The following PPP2R2C variants were observed in gnomAD, a reference collection of about 807,000 sequenced individuals.
PPP2R2C encodes the protein protein phosphatase 2, regulatory subunit B, gamma.
In PPP2R2C, 10 loss-of-function variants were observed where a neutral mutation model predicts 45.3. The observed-to-expected ratio is 0.22, with a 90% CI of 0.14 to 0.37. The LOEUF is 0.37. PPP2R2C is among the 10% of genes least tolerant of loss of function. The pLI, the probability that PPP2R2C is intolerant of heterozygous loss-of-function variation, is 1.00. For synonymous variants in PPP2R2C, 257 were observed against 245.4 expected, an observed-to-expected ratio of 1.05 and a Z score of -0.44; for missense variants, 308 against 619.7, an observed-to-expected ratio of 0.50 and a Z score of 5.34.
At chr4:6,381,629 C>T (rs1357524286) in intron 1 of PPP2R2C, 2 of 1,493,386 alleles carry the variant, frequency 1.3e-6, no homozygotes, top group African/African-American at 2.8e-5. Flanking sequence ...TGTGGCCCCA[C>T]CTCCAGGCAG....
At chr4:6,333,960 G>C (rs143430430) in intron 6 of PPP2R2C, among the ~76,000 whole-genome samples, 230 of 152,332 alleles carry the variant, frequency 1.5e-3, no homozygotes, top group African/African-American at 5.2e-3. Context: ...TGGAGGAGCA[G>C]CTGGCTAAAA....
intron 1 of PPP2R2C, chr4:6,383,297 C>A: frequency 7.9e-7 from 1 of 1,269,996 alleles, no homozygotes; most frequent in Admixed American, 2.4e-5. Flanking sequence ...CAGAGCAGGG[C>A]AAGCCCAGCC....
At chr4:6,334,205 A>G (rs891352344) in intron 6 of PPP2R2C, among the ~76,000 whole-genome samples, 1 of 152,078 alleles carries the variant, frequency 6.6e-6, no homozygotes, top group Admixed American at 6.5e-5. Flanking sequence ...ATCTCTGTTC[A>G]TGGTGTCCTG....
chr4:6,499,980 T>A (rs1247030994), intron 2 of PPP2R2C, among the ~76,000 whole-genome samples: 3 of 152,192 alleles, frequency 2.0e-5, no homozygotes, highest in African/African-American at 7.2e-5. Context: ...GAATTATTTG[T>A]TGATCCATGT....
intron 6 of PPP2R2C, among the ~76,000 whole-genome samples, chr4:6,335,299 T>C (rs1315896589): frequency 6.6e-6 from 1 of 151,932 alleles, no homozygotes; most frequent in Non-Finnish European, 1.5e-5. Context: ...GGGCTGGTAG[T>C]TTAGGTGAAC....
chr4:6,433,614 G>A (rs6446504), intron 1 of PPP2R2C, among the ~76,000 whole-genome samples: 149,117 of 152,276 alleles, frequency 0.98, 73,083 homozygotes, highest in Middle Eastern at 1. Context: ...TGGGCCAATA[G>A]GCATACGGGT....
intron 5 of PPP2R2C, among the ~76,000 whole-genome samples, chr4:6,356,697 T>A (rs982049107): frequency 6.6e-6 from 1 of 152,260 alleles, no homozygotes; most frequent in African/African-American, 2.4e-5. Context: ...GGTGAGCTGC[T>A]GAGAAGGTCT....
At chr4:6,498,716 C>T (rs1227879497) in intron 2 of PPP2R2C, among the ~76,000 whole-genome samples, 3 of 152,094 alleles carry the variant, frequency 2.0e-5, no homozygotes, top group Non-Finnish European at 2.9e-5. Context: ...GGCAAACCCA[C>T]CCACTGAGCC....
chr4:6,486,713 T>C (rs375512854), intron 2 of PPP2R2C, among the ~76,000 whole-genome samples: 12 of 152,208 alleles, frequency 7.9e-5, no homozygotes, highest in African/African-American at 2.4e-4. Flanking sequence ...ATCTTTTTCA[T>C]TGTTTTACTT....
upstream of PPP2R2C, among the ~76,000 whole-genome samples, chr4:6,475,544 G>A (rs1481464879): frequency 1.3e-5 from 2 of 152,174 alleles, no homozygotes; most frequent in Non-Finnish European, 2.9e-5. Flanking sequence ...AGAAACTTGT[G>A]TCAGACGGCA....
intron 1 of PPP2R2C, among the ~76,000 whole-genome samples, chr4:6,545,962 G>A (rs969525769): frequency 6.6e-6 from 1 of 152,108 alleles, no homozygotes; most frequent in Non-Finnish European, 1.5e-5. Flanking sequence ...TTCCCTGGGT[G>A]GGGGGTGGGG....
intron 1 of PPP2R2C, among the ~76,000 whole-genome samples, chr4:6,460,302 G>A (rs1392908097): frequency 6.6e-6 from 1 of 152,140 alleles, no homozygotes; most frequent in Non-Finnish European, 1.5e-5. Flanking sequence ...TCCCTCTAAG[G>A]ACACAGACAC....
intron 1 of PPP2R2C, among the ~76,000 whole-genome samples, chr4:6,467,313 T>C (rs536745357): frequency 2.0e-5 from 3 of 152,162 alleles, no homozygotes; most frequent in Non-Finnish European, 4.4e-5. Flanking sequence ...GCCAGTCTGA[T>C]GACAGTTCTA....
chr4:6,537,551 GTTT>G (rs66460332), intron 1 of PPP2R2C, among the ~76,000 whole-genome samples: 5 of 127,636 alleles, frequency 3.9e-5, no homozygotes, highest in Admixed American at 7.8e-5. Flanking sequence ...AAGATTTTTT[GTTT>G]TTTTTTTTTT....
At chr4:6,350,671 AAG>A (rs1712464802) in intron 5 of PPP2R2C, 1 of 2,714 alleles carries the variant, frequency 3.7e-4, no homozygotes, top group South Asian at 0.042. Context: ...GTTCTCTCCC[AAG>A]GGGAGACCTC....
Position 6,415,004 on chromosome 4 carries a change from C to G in PPP2R2C, c.71-33910G>C, listed in dbSNP as rs1055256164. 2.0e-5 allele frequency among the ~76,000 whole-genome samples: 3 copies of G among 152,222 alleles called. No homozygotes were observed. In the East Asian group the frequency reaches 5.8e-4, roughly 29 times the overall value. On this transcript the variant is annotated intron_variant, in intron 1 of 8. Coordinates refer to ENST00000382599, the MANE Select transcript of PPP2R2C (RefSeq NM_020416.4). ...TCCACAGAAGAGCATCTCGCTCACA[C>G]GACAGGAAGGGATGGTGTCAGGAAC...
chr4:6,436,560 G>T (rs1426467050), intron 1 of PPP2R2C, among the ~76,000 whole-genome samples: 1 of 152,218 alleles, frequency 6.6e-6, no homozygotes, highest in East Asian at 1.9e-4. Flanking sequence ...TCTCTACTCT[G>T]TTACTAGAGT....
At chr4:6,562,146 G>C (rs879822500) in intron 1 of PPP2R2C, among the ~76,000 whole-genome samples, 1 of 152,184 alleles carries the variant, frequency 6.6e-6, no homozygotes, top group Non-Finnish European at 1.5e-5. Context: ...ATGAGCAGGC[G>C]ACCAGGGCGT....
intron 2 of PPP2R2C, among the ~76,000 whole-genome samples, chr4:6,511,578 G>A (rs942238894): frequency 1.3e-4 from 3 of 22,702 alleles, no homozygotes; most frequent in Admixed American, 4.5e-4. Flanking sequence ...TGGTGATGGC[G>A]GTGGTGGTGG....
Sources: gnomAD v4.1 joint callset for allele counts (sites outside exome capture counted in the v4.1 genomes callset) on GRCh38, gnomAD v4.1.1 for gene constraint, MANE v1.5 for transcripts, NCBI Gene and HGNC (gene_info 2026-07-23, HGNC 2026-07-21) for gene names.